RNF111: variants seen among roughly 807,000 people sequenced by gnomAD.
RNF111 encodes E3 ubiquitin-protein ligase Arkadia.
RNF111 carries 17 observed loss-of-function variants against 95.1 expected under a neutral mutation model. The observed-to-expected ratio is 0.18, with a 90% CI of 0.12 to 0.27. RNF111 has a LOEUF of 0.27. Ranked by LOEUF, RNF111 falls within the 10% of genes least tolerant of loss-of-function variation. RNF111 has a pLI of 1.00. For synonymous variants in RNF111, 440 were observed against 414.8 expected (o/e 1.06, Z -0.74); for missense variants, 1,189 against 1,210.4 (o/e 0.98, Z 0.26).
At chr15:58,988,543 CTTG>C (rs2038670645) in intron 1 of RNF111, 1 of 152,362 alleles carries the variant, frequency 6.6e-6, no homozygotes, top group Admixed American at 6.5e-5. Flanking sequence ...ATGGAGTTGG[CTTG>C]TTGGTCATTT....
intron 1 of RNF111, among the ~76,000 whole-genome samples, chr15:59,007,317 A>G (rs148662511): frequency 6.6e-5 from 10 of 152,162 alleles, no homozygotes; most frequent in South Asian, 2.1e-4. Context: ...TGGAATTTCA[A>G]ATAAATAGAA....
chr15:59,030,437 G>A (rs796427136), intron 1 of RNF111, among the ~76,000 whole-genome samples: 2 of 151,988 alleles, frequency 1.3e-5, no homozygotes, highest in Non-Finnish European at 2.9e-5. Flanking sequence ...TTTTGAATTC[G>A]AATCCTTTTA....
intron 1 of RNF111, among the ~76,000 whole-genome samples, chr15:59,012,650 C>T (rs2039880278): frequency 6.6e-6 from 1 of 151,940 alleles, no homozygotes. Context: ...CATAATTTCT[C>T]AGTGTATACA....
At chr15:59,085,462 A>C (rs2078871299) in intron 9 of RNF111, 197 bp from the exon 10 acceptor site, 1 of 339,828 alleles carries the variant, frequency 2.9e-6, no homozygotes. Context: ...ATTGTCACAA[A>C]ATTTAAGTTT....
chr15:59,078,421 G>C (rs1254728150), intron 7 of RNF111, among the ~76,000 whole-genome samples: 1 of 152,078 alleles, frequency 6.6e-6, no homozygotes, highest in Non-Finnish European at 1.5e-5. Flanking sequence ...TGAGCATGTA[G>C]TTCCTGCTCT....
intron 1 of RNF111, among the ~76,000 whole-genome samples, chr15:59,017,753 C>CTTTTTT (rs200975904): frequency 1.7e-4 from 21 of 120,954 alleles, no homozygotes; most frequent in South Asian, 2.7e-4. Context: ...TTGTTGAACT[C>CTTTTTT]TTTTTTTTTT....
At chr15:59,090,615 G>C (rs939969660) in intron 11 of RNF111, among the ~76,000 whole-genome samples, 2 of 152,124 alleles carry the variant, frequency 1.3e-5, no homozygotes, top group South Asian at 4.1e-4. Context: ...TAATTTACTA[G>C]AATTATTTCA....
intron 2 of RNF111, chr15:59,050,258 T>C (rs1294767247): frequency 6.6e-6 from 1 of 152,162 alleles, no homozygotes; most frequent in Non-Finnish European, 1.5e-5. Flanking sequence ...AGCCATTTTC[T>C]TGATGTCTAC....
Position 59,095,054 on chromosome 15 carries a change from G to C in RNF111, c.*154G>C, listed in dbSNP as rs2140270117. The C allele has an allele frequency of 1.5e-6, 1 of 664,916 alleles. No homozygotes were observed. The highest frequency in any genetic ancestry group is 2.7e-6 in the Non-Finnish European group (1 of 370,776). 41.2% of individuals were successfully genotyped at this position (664,916 alleles called of 1,614,324 possible). A position where few individuals can be genotyped will look rare whatever the true frequency, so the allele number is the denominator to read the frequency against. ...TGGTACAACTAATGCTAGACCTACA[G>C]TTTATGTATACAGTTGATTTTGATG... On this transcript the variant is annotated 3_prime_UTR_variant, in exon 14 of 14. Coordinates refer to ENST00000348370, the MANE Select transcript of RNF111 (RefSeq NM_017610.8).
At chr15:59,006,227 C>G (rs189323946) in intron 1 of RNF111, among the ~76,000 whole-genome samples, 71 of 152,232 alleles carry the variant, frequency 4.7e-4, no homozygotes, top group African/African-American at 1.6e-3. Context: ...AATTTATATA[C>G]AATATGAGGC....
At chr15:59,006,825 C>T (rs924709657) in intron 1 of RNF111, among the ~76,000 whole-genome samples, 7 of 152,124 alleles carry the variant, frequency 4.6e-5, no homozygotes, top group East Asian at 1.9e-4. Context: ...CTTGCTCTGT[C>T]GCCCAGGCTG....
chr15:59,002,131 A>G (rs1181312588), intron 1 of RNF111, among the ~76,000 whole-genome samples: 1 of 152,182 alleles, frequency 6.6e-6, no homozygotes, highest in Non-Finnish European at 1.5e-5. Context: ...TTTTTGGACC[A>G]TGGTTGACCA....
intron 1 of RNF111, among the ~76,000 whole-genome samples, chr15:58,998,445 T>A (rs1189089661): frequency 3.3e-5 from 5 of 152,154 alleles, no homozygotes. Context: ...CTTCCCCTCA[T>A]TGTGTCCGTA....
chr15:59,041,318 G>A (rs1166490792), intron 2 of RNF111, among the ~76,000 whole-genome samples: 6 of 152,144 alleles, frequency 3.9e-5, no homozygotes, highest in African/African-American at 1.4e-4. Flanking sequence ...CACTTTGGGA[G>A]GCCGAGGCGG....
At chr15:59,027,253 AC>A (rs1253495376) in intron 1 of RNF111, among the ~76,000 whole-genome samples, 1 of 152,194 alleles carries the variant, frequency 6.6e-6, no homozygotes, top group Non-Finnish European at 1.5e-5. Context: ...ATCCACCAGA[AC>A]ATAACTCTGA....
At chr15:59,057,173 G>C (rs1424025892) in intron 4 of RNF111, among the ~76,000 whole-genome samples, 1 of 152,168 alleles carries the variant, frequency 6.6e-6, no homozygotes, top group African/African-American at 2.4e-5. Flanking sequence ...AATGGATAGA[G>C]ACCATGGTTG....
chr15:59,078,715 C>T (rs573623512), intron 7 of RNF111, among the ~76,000 whole-genome samples: 3 of 151,956 alleles, frequency 2.0e-5, no homozygotes, highest in African/African-American at 4.8e-5. Flanking sequence ...AAAAACTAGC[C>T]GGGTGTGGTG....
At chr15:59,086,067 G>C (rs1465052158) in intron 10 of RNF111, among the ~76,000 whole-genome samples, 1 of 152,042 alleles carries the variant, frequency 6.6e-6, no homozygotes, top group African/African-American at 2.4e-5. Context: ...CTGTGCTTCA[G>C]TTATTTTGCC....
At chr15:59,086,575 A>G (rs1379811608) in intron 10 of RNF111, among the ~76,000 whole-genome samples, 1 of 152,232 alleles carries the variant, frequency 6.6e-6, no homozygotes, top group African/African-American at 2.4e-5. Flanking sequence ...AGAAAAGGGA[A>G]TAGTTTTGTG....
Sources: allele counts gnomAD v4.1 joint callset (sites outside exome capture counted in the v4.1 genomes callset), GRCh38; gene constraint gnomAD v4.1.1; transcripts MANE v1.5; gene names NCBI Gene and HGNC (gene_info 2026-07-23, HGNC 2026-07-21).